The following CHD8 variants were observed in gnomAD, a reference collection of about 807,000 sequenced individuals.
CHD8 encodes the protein ATP-dependent chromatin remodeler CHD8.
In CHD8, 31 loss-of-function variants were observed where a neutral mutation model predicts 279.2. That is an observed-to-expected ratio of 0.11 (90% CI 0.08 to 0.15). The LOEUF (loss-of-function observed/expected upper bound fraction) is 0.15. Among genes scored for constraint, CHD8 ranks in the 10% least tolerant of loss-of-function variants. CHD8 has a pLI of 1.00. For missense variants in CHD8, 2,146 were observed against 3,230.5 expected (o/e 0.66, Z 8.14); for synonymous variants, 1,081 against 1,139.6 (o/e 0.95, Z 1.04).
At chr14:21,418,957 G>A (rs182900115) in intron 5 of CHD8, among the ~76,000 whole-genome samples, 2 of 152,350 alleles carry the variant, frequency 1.3e-5, no homozygotes, top group Non-Finnish European at 2.9e-5. Context: ...GGAACTTACT[G>A]GGGTGATGGA....
intron 1 of CHD8, among the ~76,000 whole-genome samples, chr14:21,438,512 T>TAAAA (rs559681631): frequency 2.0e-4 from 23 of 112,486 alleles, no homozygotes; most frequent in South Asian, 6.2e-4. Flanking sequence ...CCTAGTCTCT[T>TAAAA]AAAAAAAAAA....
rs530593389 is a variant in CHD8, at chr14:21,422,922, C to CT, written c.1716+3205dup. Among the ~76,000 whole-genome samples, 280 of 151,922 alleles carry CT rather than the reference C, an allele frequency of 1.8e-3. 2 individuals carry two copies. Among genetic ancestry groups the CT allele is most frequent in the African/African-American group, 6.3e-3 (260 of 41,462 alleles). On this transcript the variant is annotated intron_variant, in intron 5 of 37. Coordinates refer to ENST00000646647, the MANE Select transcript of CHD8 (RefSeq NM_001170629.2). ...CCAGCCTGGGAAACAGAGCAAGACT[C>CT]TGTCTCAGAAAAAAAGAAGGCCAGG...
rs750177263 is a variant in CHD8 at position 21,407,023 on chromosome 14, T to G, written c.2740A>C (p.Ile914Leu). 1.3e-6 allele frequency: 2 copies of G among 1,580,838 alleles called. No homozygotes were observed. The change falls in exon 14 of 38, where the codon ATC (isoleucine) becomes CTC (leucine). Residue 914 changes from isoleucine (I) to leucine (L), a missense_variant. By Grantham distance (5) the Ile-to-Leu change is conservative (BLOSUM62 2). Around this residue, in one of 26 missense-constraint regions of CHD8, gnomAD observed 211 missense variants for 464.7 expected, o/e 0.45. Transcript: ENST00000646647. ...MYCKDSRGRL[I>L]PGAYKFDALI... Reference sequence around the variant, plus strand: ...GCGTCAAACTTGTATGCGCCTGGGATGAGGCGTCCCTAAGCATGAAGGCAG... The same window carrying G: ...GCGTCAAACTTGTATGCGCCTGGGAGGAGGCGTCCCTAAGCATGAAGGCAG...
At position 21,402,970 on chromosome 14, in the gene CHD8, A is replaced by G. The variant is rs768406564; in HGVS notation, c.3714+47T>C. ...TAAAAGATCCTATTCTTGTTGAAAAATCTCCCAAGTTAGGTAGTTAGTCCC... is the reference window on the plus strand; with the variant it reads ...TAAAAGATCCTATTCTTGTTGAAAAGTCTCCCAAGTTAGGTAGTTAGTCCC... On this transcript the variant is annotated intron_variant, in intron 18 of 37. Transcript: ENST00000646647. The surrounding 1 kb of genome is among the most constrained non-coding windows in gnomAD (Gnocchi z 4.5). The G allele has an allele frequency of 2.8e-5, 41 of 1,477,830 alleles. No individual in the cohort carries two copies. Among genetic ancestry groups the G allele is most frequent in the Non-Finnish European group, 3.7e-5 (40 of 1,076,452 alleles). The allele number at this position is 1,477,830 out of a possible 1,614,324, so 91.5% of individuals were successfully genotyped here. A position where few individuals can be genotyped will look rare whatever the true frequency, so the allele number is the denominator to read the frequency against.
intron 21 of CHD8, 150 bp downstream of exon 21, chr14:21,401,253 G>A: frequency 1.4e-6 from 1 of 729,686 alleles, no homozygotes; most frequent in Non-Finnish European, 2.2e-6. Context: ...CTTTTCTGGG[G>A]CCTCCTAGGT....
chr14:21,436,890 GGGTACAT>G, intron 1 of CHD8: 1 of 1,234,426 alleles, frequency 8.1e-7, no homozygotes, highest in Non-Finnish European at 1.1e-6. Context: ...GGGGGGACCC[GGGTACAT>G]TACCTGCTCA....
intron 16 of CHD8, among the ~76,000 whole-genome samples, chr14:21,404,152 C>T (rs1414046436): frequency 1.3e-5 from 2 of 150,576 alleles, no homozygotes; most frequent in Admixed American, 6.6e-5. Context: ...AATCCCAGCA[C>T]TTTGGGAGAC....
Position 21,390,933 on chromosome 14 carries a change from G to T in CHD8, c.7182+14C>A. The T allele has an allele frequency of 1.5e-6, 2 of 1,365,180 alleles. No individual in the cohort carries two copies. Among genetic ancestry groups the T allele is most frequent in the Non-Finnish European group, 2.1e-6 (2 of 965,626 alleles). The allele number at this position is 1,365,180 out of a possible 1,614,324, so 84.6% of individuals were successfully genotyped here. On this transcript the variant is annotated intron_variant, in intron 37 of 37. Coordinates refer to ENST00000646647, the MANE Select transcript of CHD8 (RefSeq NM_001170629.2). Reference sequence around the variant, plus strand: ...AGTGTGGGAATAGAGTGGTAATGCTGCAATTTCTCTCACCTTTTTCCCATT... The same window carrying T: ...AGTGTGGGAATAGAGTGGTAATGCTTCAATTTCTCTCACCTTTTTCCCATT...
At position 21,402,887 on chromosome 14, in the gene CHD8, T is replaced by C. The variant is rs1435517422; in HGVS notation, c.3714+130A>G. On this transcript the variant is annotated intron_variant, in intron 18 of 37. Transcript: ENST00000646647. This position sits in a 1 kb window ranked among gnomAD's most constrained non-coding sequence, Gnocchi z 4.5. ...TTACAGAAAACGTTTGCTGATTCCCTGACCTAACTGCCACCCTTAACTAAG... is the reference window on the plus strand; with the variant it reads ...TTACAGAAAACGTTTGCTGATTCCCCGACCTAACTGCCACCCTTAACTAAG... 4.1e-6 allele frequency: 3 copies of C among 730,438 alleles called. No homozygotes were observed. 45.2% of individuals were successfully genotyped at this position (730,438 alleles called of 1,614,324 possible).
At chr14:21,433,954 C>A (rs556577666) in intron 1 of CHD8, among the ~76,000 whole-genome samples, 2 of 152,118 alleles carry the variant, frequency 1.3e-5, no homozygotes, top group East Asian at 3.9e-4. Context: ...CCTACTTTGG[C>A]ACCAATTATT....
rs1442206661 is a variant in CHD8 at position 21,390,944 on chromosome 14, C to T, written c.7182+3G>A. The T allele has an allele frequency of 6.6e-7, 1 of 1,509,494 alleles. No homozygotes were observed. The highest frequency in any genetic ancestry group is 2.3e-5 in the East Asian group (1 of 44,014). The allele number at this position is 1,509,494 out of a possible 1,614,324, so 93.5% of individuals were successfully genotyped here. A position where few individuals can be genotyped will look rare whatever the true frequency, so the allele number is the denominator to read the frequency against. On this transcript the variant is annotated splice_donor_region_variant and intron_variant, in intron 37 of 37. Coordinates refer to ENST00000646647, the MANE Select transcript of CHD8 (RefSeq NM_001170629.2). ...AGAGTGGTAATGCTGCAATTTCTCTCACCTTTTTCCCATTTCTAGAGTTAG... is the reference window on the plus strand; with the variant it reads ...AGAGTGGTAATGCTGCAATTTCTCTTACCTTTTTCCCATTTCTAGAGTTAG...
intron 1 of CHD8, chr14:21,436,968 G>A: frequency 7.8e-7 from 1 of 1,287,746 alleles, no homozygotes; most frequent in Non-Finnish European, 1.0e-6. Flanking sequence ...TCTGGTAACT[G>A]GAGACCCCAA....
chr14:21,442,664 G>A (rs1431004653), intron 1 of CHD8, among the ~76,000 whole-genome samples: 1 of 112,822 alleles, frequency 8.9e-6, no homozygotes, highest in African/African-American at 3.6e-5. Flanking sequence ...GGGAGGAGAG[G>A]AGAGGGGAGG....
In CHD8 at chr14:21,402,305, A is replaced by G. The variant is rs777237513; in HGVS notation, c.3882+31T>C. On this transcript the variant is annotated intron_variant, in intron 19 of 37. Transcript: ENST00000646647. This position sits in a 1 kb window ranked among gnomAD's most constrained non-coding sequence, Gnocchi z 4.5. ...TTTCCCTCTATCACAATGATCTACT[A>G]CAAACTTATCTATAAACTAAGAGGA... is the stretch of plus-strand genomic sequence containing the variant. The G allele has an allele frequency of 7.4e-6, 12 of 1,611,814 alleles. No homozygotes were observed. The highest frequency in any genetic ancestry group is 1.0e-5 in the Non-Finnish European group (12 of 1,178,274).
chr14:21,407,944 C>T (rs1380695691), intron 13 of CHD8, among the ~76,000 whole-genome samples: 2 of 151,968 alleles, frequency 1.3e-5, no homozygotes, highest in Non-Finnish European at 1.5e-5. Context: ...TGAAAATTTC[C>T]GTAGACTAAA....
At chr14:21,401,546 CTT>C in intron 20 of CHD8, 33 bp from the exon 21 acceptor site, 2 of 874,282 alleles carry the variant, frequency 2.3e-6, no homozygotes, top group Non-Finnish European at 3.3e-6. Context: ...GTAAAGCTGA[CTT>C]TTTTTTTTAA....
intron 8 of CHD8, 163 bp downstream of exon 8, chr14:21,414,775 A>C: frequency 1.5e-6 from 1 of 668,178 alleles, no homozygotes; most frequent in Non-Finnish European, 2.7e-6. Flanking sequence ...GAGTCATGTC[A>C]ATTCCTGAAT....
chr14:21,410,880 T>C (rs1888463774), intron 10 of CHD8, among the ~76,000 whole-genome samples: 1 of 152,228 alleles, frequency 6.6e-6, no homozygotes, highest in African/African-American at 2.4e-5. Context: ...TTTATCATAG[T>C]AACTCAGGTC....
Position 21,408,626 on chromosome 14 carries a change from A to C in CHD8, c.2487-71T>G. ...TTTAAAAAAAATAGAGTATGTAGGA[A>C]GAAATTGTTTCAATAGAAAACAAAT... On this transcript the variant is annotated intron_variant, in intron 12 of 37. Transcript: ENST00000646647. The surrounding 1 kb of genome is among the most constrained non-coding windows in gnomAD (Gnocchi z 4.3). The C allele has an allele frequency of 6.4e-7, 1 of 1,567,646 alleles. No homozygotes were observed. The highest frequency in any genetic ancestry group is 1.2e-5 in the South Asian group (1 of 84,604).
Sources: gnomAD v4.1 joint callset for allele counts (sites outside exome capture counted in the v4.1 genomes callset) on GRCh38, gnomAD v4.1.1 for gene constraint, gnomAD v4.1.1 regional missense constraint, Gnocchi (gnomAD v3.1) non-coding constraint, MANE v1.5 for transcripts, NCBI Gene and HGNC (gene_info 2026-07-23, HGNC 2026-07-21) for gene names.